Variants in ARID5B observed in about 807,000 individuals in gnomAD.
ARID5B encodes the protein AT-rich interaction domain 5B.
ARID5B carries 13 observed loss-of-function variants against 97.2 expected under a neutral mutation model. That is an observed-to-expected ratio of 0.13 (90% confidence interval 0.09 to 0.21). ARID5B has a LOEUF of 0.21. Among genes scored for constraint, ARID5B ranks in the 10% least tolerant of loss-of-function variants. The pLI is 1.00. For missense variants in ARID5B, 1,210 were observed against 1,465.3 expected, an observed-to-expected ratio of 0.83 and a Z score of 2.84; for synonymous variants, 556 against 570.3, an observed-to-expected ratio of 0.97 and a Z score of 0.36.
rs751722643 is a variant in ARID5B at position 62,092,158 on chromosome 10, G to T, written c.2695G>T (p.Ala899Ser). The T allele has an allele frequency of 6.2e-7, 1 of 1,608,576 alleles. No individual in the cohort carries two copies. The highest frequency in any genetic ancestry group is 8.5e-7 in the Non-Finnish European group (1 of 1,177,840). Residue 899 changes from alanine to serine, a missense_variant, in exon 10 of 10, where the codon GCC becomes TCC. This residue lies in a region of ARID5B where 800 missense variants were observed against 839.1 expected (regional missense o/e 0.95). Transcript: ENST00000279873. ...LQDKKSAAAE[A>S]PTDDQPTDLS... The stretch of plus-strand genomic sequence containing the variant: ...AGACAAAAAGTCGGCGGCAGCAGAA[G>T]CCCCTACGGATGATCAGCCTACAGA...
At chr10:62,059,822 CTT>C in intron 7 of ARID5B, among the ~76,000 whole-genome samples, 1 of 152,286 alleles carries the variant, frequency 6.6e-6, no homozygotes, top group Admixed American at 6.5e-5. Flanking sequence ...CTCTGACACT[CTT>C]TATCAGCTAA....
At chr10:61,989,550 CAT>C (rs747063126) in intron 3 of ARID5B, among the ~76,000 whole-genome samples, 95 of 152,244 alleles carry the variant, frequency 6.2e-4, no homozygotes. Context: ...AATTAGAAGA[CAT>C]ATTACATATG....
chr10:61,994,284 A>G (rs1774535033), intron 3 of ARID5B, among the ~76,000 whole-genome samples: 1 of 152,090 alleles, frequency 6.6e-6, no homozygotes, highest in African/African-American at 2.4e-5. Context: ...TACTGATGTT[A>G]GAAGTAGATT....
intron 3 of ARID5B, among the ~76,000 whole-genome samples, chr10:61,991,047 C>T (rs866428337): frequency 6.6e-6 from 1 of 151,080 alleles, no homozygotes; most frequent in African/African-American, 2.4e-5. Flanking sequence ...CCTGTACACA[C>T]ACACACACAC....
chr10:62,021,180 C>A (rs1258059055), intron 4 of ARID5B, among the ~76,000 whole-genome samples: 8 of 151,668 alleles, frequency 5.3e-5, no homozygotes, highest in Non-Finnish European at 1.2e-4. Flanking sequence ...CCCACAAATA[C>A]TCACTCTGGA....
chr10:61,975,004 A>G (rs903338436), intron 3 of ARID5B, among the ~76,000 whole-genome samples: 1 of 152,066 alleles, frequency 6.6e-6, no homozygotes, highest in Admixed American at 6.6e-5. Flanking sequence ...AGGCTTTTAA[A>G]CAATGTATGC....
At chr10:61,973,414 A>T (rs1334599361) in intron 3 of ARID5B, among the ~76,000 whole-genome samples, 1 of 152,172 alleles carries the variant, frequency 6.6e-6, no homozygotes, top group East Asian at 1.9e-4. Context: ...GGCTCTGGGG[A>T]GTTCATTATG....
At chr10:61,903,004 G>GC (rs1314207743) in intron 2 of ARID5B, among the ~76,000 whole-genome samples, 1 of 152,186 alleles carries the variant, frequency 6.6e-6, no homozygotes, top group Non-Finnish European at 1.5e-5. Context: ...TTGCAGATCT[G>GC]CCCGGGCGGA....
intron 4 of ARID5B, among the ~76,000 whole-genome samples, chr10:62,030,586 A>C (rs1839484112): frequency 6.6e-6 from 1 of 152,218 alleles, no homozygotes; most frequent in Non-Finnish European, 1.5e-5. Context: ...TAAGACAAAT[A>C]ACTGTAAGTA....
At chr10:61,942,040 A>G (rs1339072486) in intron 3 of ARID5B, among the ~76,000 whole-genome samples, 2 of 152,206 alleles carry the variant, frequency 1.3e-5, no homozygotes, top group African/African-American at 4.8e-5. Flanking sequence ...GTTATGGAAT[A>G]TACTGTTACT....
chr10:62,007,710 T>G (rs954606140), intron 4 of ARID5B, among the ~76,000 whole-genome samples: 1 of 152,178 alleles, frequency 6.6e-6, no homozygotes, highest in African/African-American at 2.4e-5. Flanking sequence ...ACAAAATTAT[T>G]TCATATTGAT....
intron 3 of ARID5B, among the ~76,000 whole-genome samples, chr10:61,943,888 C>G (rs1423530011): frequency 6.6e-6 from 1 of 152,050 alleles, no homozygotes; most frequent in African/African-American, 2.4e-5. Flanking sequence ...ATCCCCTTCC[C>G]CCTTGAGGGA....
At chr10:62,073,304 G>T (rs892489516) in intron 8 of ARID5B, among the ~76,000 whole-genome samples, 3 of 152,304 alleles carry the variant, frequency 2.0e-5, no homozygotes, top group Admixed American at 1.3e-4. Context: ...CATGCACTGT[G>T]GTTCATGTTT....
chr10:62,050,209 T>C (rs17216728), intron 4 of ARID5B, among the ~76,000 whole-genome samples: 2,956 of 152,346 alleles, frequency 0.019, 42 homozygotes, highest in Non-Finnish European at 0.029. Context: ...TTATATTAAA[T>C]AAGCCTTAAG....
At chr10:61,985,935 A>T (rs1838841258) in intron 3 of ARID5B, among the ~76,000 whole-genome samples, 1 of 152,154 alleles carries the variant, frequency 6.6e-6, no homozygotes, top group Non-Finnish European at 1.5e-5. Context: ...AGGCAACACC[A>T]AGCTTCACTT....
chr10:61,947,657 C>T (rs1838258220), intron 3 of ARID5B, among the ~76,000 whole-genome samples: 1 of 152,170 alleles, frequency 6.6e-6, no homozygotes, highest in Non-Finnish European at 1.5e-5. Context: ...TAAATTTTGG[C>T]TTGACCATCT....
At chr10:62,042,164 A>G (rs979289701) in intron 4 of ARID5B, among the ~76,000 whole-genome samples, 1 of 152,240 alleles carries the variant, frequency 6.6e-6, no homozygotes, top group Non-Finnish European at 1.5e-5. Context: ...GAACCATACC[A>G]AGAAAGACTA....
chr10:62,092,156 A>T lies in ARID5B; in HGVS notation c.2693A>T (p.Glu898Val). 3.1e-6 allele frequency: 5 copies of T among 1,607,648 alleles called. No individual in the cohort carries two copies. The highest frequency in any genetic ancestry group is 4.2e-6 in the Non-Finnish European group (5 of 1,177,624). ...CAAGACAAAAAGTCGGCGGCAGCAG[A>T]AGCCCCTACGGATGATCAGCCTACA... ...HLQDKKSAAA[E>V]APTDDQPTDL... The change falls in exon 10 of 10, where the codon GAA becomes GTA. Residue 898 changes from glutamate to valine, a missense_variant. By Grantham distance (121) the Glu-to-Val change is moderately radical. Transcript: ENST00000279873.
Position 62,049,363 on chromosome 10 carries a change from G to A in ARID5B, c.734-1525G>A, listed in dbSNP as rs368148679. On this transcript the variant is annotated intron_variant, in intron 4 of 9. Transcript: ENST00000279873. ...GCGCTGAGCCTCGCAGCTCGCATTC[G>A]GAGGGAAGCTGACATCCACACCAAG... is the stretch of plus-strand genomic sequence containing the variant. 4.6e-4 allele frequency: 703 copies of A among 1,544,484 alleles called. 6 individuals are homozygous for A. The South Asian group carries it at 8.0e-3, about 18-fold the overall frequency.
Sources: gnomAD v4.1 joint callset for allele counts (sites outside exome capture counted in the v4.1 genomes callset) on GRCh38, gnomAD v4.1.1 for gene constraint, gnomAD v4.1.1 regional missense constraint, MANE v1.5 for transcripts, NCBI Gene and HGNC (gene_info 2026-07-23, HGNC 2026-07-21) for gene names.